KLF8: variants seen among roughly 807,000 people sequenced by gnomAD.
The protein encoded by KLF8 is KLF transcription factor 8, also known as Krueppel-like factor 8.
A neutral mutation model predicts 18.2 loss-of-function variants in KLF8; 10 were observed. The ratio of observed to expected loss-of-function variants is 0.55; its 90% CI spans 0.34 to 0.93. The LOEUF (loss-of-function observed/expected upper bound fraction) is 0.93, where lower values mean the gene tolerates loss of function less well. Among genes scored for constraint, KLF8 ranks in the 40% least tolerant of loss-of-function variants. KLF8 has a pLI of 0.02. For synonymous variants in KLF8, 109 were observed against 97.3 expected (o/e 1.12, Z -0.71); for missense variants, 264 against 277.9 (o/e 0.95, Z 0.36).
At chrX:56,170,910 T>A in the KLF8 span, among the ~76,000 whole-genome samples, 1 of 111,777 alleles carries the variant, frequency 8.9e-6, no homozygotes, top group Non-Finnish European at 1.9e-5. Flanking sequence ...AGGTCAGAGA[T>A]GAAGAAAGCA....
chrX:56,179,171 C>T, the KLF8 span, among the ~76,000 whole-genome samples: 483 of 111,909 alleles, frequency 4.3e-3, 5 homozygotes, highest in African/African-American at 0.015. Context: ...TTTCATTGAG[C>T]AGTTGTATGT....
the KLF8 span, among the ~76,000 whole-genome samples, chrX:55,939,328 G>A: frequency 1.8e-5 from 2 of 111,238 alleles, no homozygotes; most frequent in Admixed American, 9.5e-5. Flanking sequence ...TGAAACCAAC[G>A]AGAGCAAAGA....
At chrX:56,190,497 G>C in the KLF8 span, among the ~76,000 whole-genome samples, 6 of 111,237 alleles carry the variant, frequency 5.4e-5, no homozygotes, top group Non-Finnish European at 1.1e-4. Flanking sequence ...AATAATTACA[G>C]AACATTTCAT....
At chrX:55,958,005 G>T in the KLF8 span, among the ~76,000 whole-genome samples, 1 of 112,098 alleles carries the variant, frequency 8.9e-6, no homozygotes, top group Non-Finnish European at 1.9e-5. Context: ...AGCTTTAGAT[G>T]CAGGAATAGA....
chrX:56,115,302 A>G, the KLF8 span, among the ~76,000 whole-genome samples: 1 of 110,957 alleles, frequency 9.0e-6, no homozygotes, highest in East Asian at 2.8e-4. Context: ...TAAGTAAAAA[A>G]TAGTCAAAGT....
At chrX:56,135,418 G>A in the KLF8 span, among the ~76,000 whole-genome samples, 1 of 110,434 alleles carries the variant, frequency 9.1e-6, no homozygotes, top group Non-Finnish European at 1.9e-5. Context: ...GGATGAAATT[G>A]GAAACCATCA....
chrX:55,994,175 G>T, the KLF8 span, among the ~76,000 whole-genome samples: 1 of 110,140 alleles, frequency 9.1e-6, no homozygotes, highest in East Asian at 2.8e-4. Flanking sequence ...CTCCCAAAGT[G>T]CTGGGTTTAC....
At chrX:56,083,478 T>A in the KLF8 span, among the ~76,000 whole-genome samples, 2 of 112,251 alleles carry the variant, frequency 1.8e-5, no homozygotes, top group Non-Finnish European at 3.8e-5. Flanking sequence ...TTTTTCTACC[T>A]TGAAAATAAA....
At chrX:56,069,041 A>G in the KLF8 span, among the ~76,000 whole-genome samples, 1 of 111,614 alleles carries the variant, frequency 9.0e-6, no homozygotes, top group South Asian at 3.8e-4. Flanking sequence ...CTAGCCCAGC[A>G]GCCTCACTTC....
chrX:56,055,913 A>G, the KLF8 span, among the ~76,000 whole-genome samples: 1 of 111,696 alleles, frequency 9.0e-6, no homozygotes, highest in African/African-American at 3.3e-5. Flanking sequence ...CAGCTCTATT[A>G]GTTCAGTTAT....
At chrX:56,010,047 A>G in the KLF8 span, among the ~76,000 whole-genome samples, 3 of 112,316 alleles carry the variant, frequency 2.7e-5, no homozygotes, top group Non-Finnish European at 5.6e-5. Context: ...TTAGAATATT[A>G]TCCAGGAGAA....
At chrX:55,935,860 A>G in the KLF8 span, among the ~76,000 whole-genome samples, 4 of 112,166 alleles carry the variant, frequency 3.6e-5, no homozygotes, top group African/African-American at 1.3e-4. Context: ...ATAAAAACAC[A>G]TGGGAATAAA....
chrX:56,162,004 T>G, the KLF8 span, among the ~76,000 whole-genome samples: 2 of 112,310 alleles, frequency 1.8e-5, no homozygotes, highest in Non-Finnish European at 3.8e-5. Flanking sequence ...GACCCTCAGC[T>G]GCAGGTCTGT....
the KLF8 span, among the ~76,000 whole-genome samples, chrX:55,977,308 G>T: frequency 8.9e-6 from 1 of 112,021 alleles, no homozygotes; most frequent in Non-Finnish European, 1.9e-5. Flanking sequence ...GTAAATGTAT[G>T]TCTGGGAATG....
the KLF8 span, among the ~76,000 whole-genome samples, chrX:56,107,326 G>A: frequency 4.5e-5 from 5 of 112,269 alleles, no homozygotes; most frequent in African/African-American, 1.6e-4. Context: ...GCCCACAGAG[G>A]TGGAATCTAT....
At chrX:56,029,374 T>C in the KLF8 span, among the ~76,000 whole-genome samples, 1 of 111,524 alleles carries the variant, frequency 9.0e-6, no homozygotes, top group Non-Finnish European at 1.9e-5. Flanking sequence ...GTCAGGCATA[T>C]ACAGAAATTG....
intron 5 of KLF8, among the ~76,000 whole-genome samples, chrX:56,281,418 T>C (rs1035754378): frequency 1.8e-5 from 2 of 112,021 alleles, no homozygotes; most frequent in Non-Finnish European, 3.8e-5. Flanking sequence ...TCACACTTAC[T>C]TATTTTTTTG....
the KLF8 span, among the ~76,000 whole-genome samples, chrX:56,183,660 C>G: frequency 9.0e-6 from 1 of 110,961 alleles, no homozygotes; most frequent in Non-Finnish European, 1.9e-5. Flanking sequence ...TTTGCAAAAA[C>G]TAAAAAGCAT....
At chrX:55,994,447 T>TA in the KLF8 span, among the ~76,000 whole-genome samples, 1 of 101,103 alleles carries the variant, frequency 9.9e-6, no homozygotes, top group Admixed American at 1.0e-4. Context: ...TTTTTGTTAT[T>TA]TTTTTTTTTT....
Sources: allele counts gnomAD v4.1 joint callset (sites outside exome capture counted in the v4.1 genomes callset), GRCh38; gene constraint gnomAD v4.1.1; transcripts MANE v1.5; gene names NCBI Gene and HGNC (gene_info 2026-07-23, HGNC 2026-07-21).